POC1B: variants seen among roughly 807,000 people sequenced by gnomAD.
POC1B encodes the protein POC1 centriolar protein homolog B.
Under a neutral mutation model 60.6 loss-of-function variants are expected in POC1B, and 44 were observed. That is an observed-to-expected ratio of 0.73 (90% CI 0.57 to 0.93). POC1B has a LOEUF of 0.93. POC1B is among the 40% of genes least tolerant of loss of function. The pLI is 0.00. For synonymous variants in POC1B, 180 were observed against 198.9 expected, an observed-to-expected ratio of 0.90 and a Z score of 0.80; for missense variants, 555 against 572.3, an observed-to-expected ratio of 0.97 and a Z score of 0.31.
At chr12:89,409,712 G>A in the POC1B span, among the ~76,000 whole-genome samples, 1 of 152,220 alleles carries the variant, frequency 6.6e-6, no homozygotes, top group Non-Finnish European at 1.5e-5. Flanking sequence ...TAGAAGAAAT[G>A]GATAAATTCC....
At chr12:89,442,206 C>T (rs1881554588) in intron 10 of POC1B, among the ~76,000 whole-genome samples, 1 of 152,122 alleles carries the variant, frequency 6.6e-6, no homozygotes, top group Non-Finnish European at 1.5e-5. Context: ...GGAGAACTTC[C>T]CCAACCTAGC....
intron 10 of POC1B, among the ~76,000 whole-genome samples, chr12:89,439,967 C>T (rs1272699017): frequency 6.6e-6 from 1 of 152,142 alleles, no homozygotes; most frequent in Admixed American, 6.6e-5. Flanking sequence ...TCTCTGATCC[C>T]ACACATTACT....
intron 2 of POC1B, chr12:89,519,411 A>T (rs1429631865): frequency 3.3e-5 from 5 of 152,180 alleles, no homozygotes; most frequent in African/African-American, 1.2e-4. Context: ...ATCACAATCT[A>T]TTTGCAAAAA....
chr12:89,522,758 G>C (rs1437819049), intron 2 of POC1B: 13 of 1,517,272 alleles, frequency 8.6e-6, no homozygotes, highest in Non-Finnish European at 1.1e-5. Flanking sequence ...GGCTCTTAAG[G>C]CTCTTTGACT....
At chr12:89,427,710 C>T (rs1188224702) in intron 10 of POC1B, 1 of 151,930 alleles carries the variant, frequency 6.6e-6, no homozygotes, top group Admixed American at 6.6e-5. Flanking sequence ...CTCTTAAAAA[C>T]AAAACAAAAC....
At chr12:89,436,156 G>A (rs1881255831) in intron 10 of POC1B, among the ~76,000 whole-genome samples, 1 of 151,902 alleles carries the variant, frequency 6.6e-6, no homozygotes, top group African/African-American at 2.4e-5. Context: ...TGTTGGCCAG[G>A]ATGGTCTTGA....
intron 2 of POC1B, among the ~76,000 whole-genome samples, chr12:89,504,385 T>C (rs934267153): frequency 7.2e-5 from 11 of 152,256 alleles, no homozygotes; most frequent in African/African-American, 2.6e-4. Flanking sequence ...ATGTGCTTTG[T>C]TAAACAGATG....
At chr12:89,418,704 A>ACT (rs1475602233), downstream of POC1B, among the ~76,000 whole-genome samples, 1 of 150,570 alleles carries the variant, frequency 6.6e-6, no homozygotes, top group Non-Finnish European at 1.5e-5. Context: ...ACTTGGCACC[A>ACT]CTCTCCCCTT....
At chr12:89,428,246 A>G (rs1476081053) in intron 10 of POC1B, 1 of 152,312 alleles carries the variant, frequency 6.6e-6, no homozygotes, top group African/African-American at 2.4e-5. Flanking sequence ...TCTGCCTGCA[A>G]TGGCTTTCTC....
At chr12:89,404,233 G>T in the POC1B span, among the ~76,000 whole-genome samples, 6 of 152,028 alleles carry the variant, frequency 3.9e-5, no homozygotes, top group Non-Finnish European at 7.4e-5. Context: ...GAGTAGGTGG[G>T]TCTGCTGTGT....
chr12:89,523,685 C>T (rs1163234879), intron 2 of POC1B: 1 of 1,539,758 alleles, frequency 6.5e-7, no homozygotes, highest in East Asian at 2.2e-5. Flanking sequence ...TGTTTGGGGA[C>T]AGAATGCCAC....
intron 9 of POC1B, among the ~76,000 whole-genome samples, chr12:89,466,346 ACT>A (rs1882684184): frequency 6.6e-6 from 1 of 152,088 alleles, no homozygotes; most frequent in African/African-American, 2.4e-5. Flanking sequence ...TTAATCACTA[ACT>A]CTCTTCTTTT....
Position 89,522,901 on chromosome 12 carries a change from G to A in POC1B, c.100+2219C>T, listed in dbSNP as rs781142653. The A allele has an allele frequency of 6.2e-6, 10 of 1,613,994 alleles. No homozygotes were observed. In the Admixed American group the frequency reaches 1.3e-4, roughly 22 times the overall value. On this transcript the variant is annotated intron_variant, in intron 2 of 11. Coordinates refer to ENST00000313546, the MANE Select transcript of POC1B (RefSeq NM_172240.3). Reference sequence around the variant, plus strand: ...AGGTCGGCCCTCCGGTGTCCGATAAGCACTAAGACACAGTCCTGAGTGTGG... The same window carrying A: ...AGGTCGGCCCTCCGGTGTCCGATAAACACTAAGACACAGTCCTGAGTGTGG...
At chr12:89,524,438 C>T in intron 2 of POC1B, 1 of 1,613,896 alleles carries the variant, frequency 6.2e-7, no homozygotes, top group Non-Finnish European at 8.5e-7. Flanking sequence ...GCACGGCCGG[C>T]TCCTGCGGAG....
At chr12:89,464,091 T>C (rs1882582789) in intron 9 of POC1B, among the ~76,000 whole-genome samples, 1 of 152,194 alleles carries the variant, frequency 6.6e-6, no homozygotes, top group South Asian at 2.1e-4. Context: ...TCAGTTCACT[T>C]AGATACCATT....
At chr12:89,483,759 G>A (rs1868478358) in intron 4 of POC1B, among the ~76,000 whole-genome samples, 1 of 152,112 alleles carries the variant, frequency 6.6e-6, no homozygotes, top group Non-Finnish European at 1.5e-5. Context: ...GGATAAACAA[G>A]AAGTTGAGAG....
chr12:89,418,031 A>G (rs917425739), downstream of POC1B, among the ~76,000 whole-genome samples: 1 of 152,198 alleles, frequency 6.6e-6, no homozygotes, highest in African/African-American at 2.4e-5. Flanking sequence ...GGAGTTGCTT[A>G]CCAGGGGAAG....
At chr12:89,494,758 G>C (rs577788054) in intron 3 of POC1B, among the ~76,000 whole-genome samples, 45 of 152,246 alleles carry the variant, frequency 3.0e-4, no homozygotes, top group African/African-American at 1.1e-3. Flanking sequence ...AAAACTACAG[G>C]TTATCCTGCT....
chr12:89,456,006 T>TTTGTTGTTG lies in POC1B; in HGVS notation c.1113+3623_1113+3631dup, dbSNP rs57046085. Among the ~76,000 whole-genome samples the TTTGTTGTTG allele has an allele frequency of 3.7e-3, 556 of 148,308 alleles. 4 individuals carry two copies. Among genetic ancestry groups the TTTGTTGTTG allele is most frequent in the African/African-American group, 8.8e-3 (355 of 40,274 alleles). ...ATTTACAGTTAGTTTAAAACTCTTT[T>TTTGTTGTTG]TTGTTGTTGTTGTTGTTGTTGTTGT... On this transcript the variant is annotated intron_variant, in intron 10 of 11. Coordinates refer to ENST00000313546, the MANE Select transcript of POC1B (RefSeq NM_172240.3).
Sources: gnomAD v4.1 joint callset for allele counts (sites outside exome capture counted in the v4.1 genomes callset) on GRCh38, gnomAD v4.1.1 for gene constraint, MANE v1.5 for transcripts, NCBI Gene and HGNC (gene_info 2026-07-23, HGNC 2026-07-21) for gene names.